Variants in ZPBP observed in about 807,000 individuals in gnomAD.
The protein encoded by ZPBP is zona pellucida-binding protein 1.
ZPBP carries 26 observed loss-of-function variants against 44.8 expected under a neutral mutation model. The observed-to-expected ratio is 0.58, with a 90% CI of 0.43 to 0.81. The LOEUF is 0.81. ZPBP is among the 30% of genes least tolerant of loss of function. ZPBP has a pLI of 0.00. For synonymous variants in ZPBP, 174 were observed against 153.2 expected (o/e 1.14, Z -1.00); for missense variants, 409 against 434.0 (o/e 0.94, Z 0.51).
chr7:49,913,829 C>G (rs1170340447), intron 1 of ZPBP: 1 of 152,042 alleles, frequency 6.6e-6, no homozygotes, highest in Non-Finnish European at 1.5e-5. Context: ...ATGGATACAT[C>G]TATCATAATT....
At chr7:49,989,042 A>T (rs573506511) in intron 6 of ZPBP, among the ~76,000 whole-genome samples, 2 of 152,260 alleles carry the variant, frequency 1.3e-5, no homozygotes, top group East Asian at 3.9e-4. Flanking sequence ...GAATTTGGAA[A>T]CTAGTTCTGA....
chr7:49,890,127 A>G (rs1027273380), intron 2 of ZPBP, among the ~76,000 whole-genome samples: 22 of 152,224 alleles, frequency 1.4e-4, no homozygotes, highest in African/African-American at 5.3e-4. Context: ...CTTTAGGAAC[A>G]GAGGGAATAT....
intron 6 of ZPBP, among the ~76,000 whole-genome samples, chr7:49,995,512 C>T (rs1797784658): frequency 6.6e-6 from 1 of 152,224 alleles, no homozygotes; most frequent in Non-Finnish European, 1.5e-5. Flanking sequence ...CACAGTCATT[C>T]TCCAAGATTT....
intron 3 of ZPBP, among the ~76,000 whole-genome samples, chr7:50,065,777 T>G (rs1287669398): frequency 6.6e-6 from 1 of 151,036 alleles, no homozygotes; most frequent in Non-Finnish European, 1.5e-5. Context: ...AAAATGCTTT[T>G]AGAATGACTT....
chr7:49,929,186 A>G (rs1167033306), intron 1 of ZPBP, among the ~76,000 whole-genome samples: 1 of 152,236 alleles, frequency 6.6e-6, no homozygotes, highest in Non-Finnish European at 1.5e-5. Context: ...CTAGACATTG[A>G]GCCTCTTTCT....
At chr7:50,088,614 A>G (rs56102729) in intron 2 of ZPBP, among the ~76,000 whole-genome samples, 1 of 152,050 alleles carries the variant, frequency 6.6e-6, no homozygotes, top group Non-Finnish European at 1.5e-5. Context: ...TTGAATAGGC[A>G]TTTCTACAAA....
At chr7:50,048,125 A>G (rs1419680353) in intron 4 of ZPBP, among the ~76,000 whole-genome samples, 2 of 152,196 alleles carry the variant, frequency 1.3e-5, no homozygotes, top group Non-Finnish European at 2.9e-5. Flanking sequence ...GGAACACTGA[A>G]AAAACAAAAA....
intron 7 of ZPBP, among the ~76,000 whole-genome samples, chr7:49,957,819 G>T (rs572914415): frequency 6.6e-6 from 1 of 152,242 alleles, no homozygotes; most frequent in East Asian, 1.9e-4. Context: ...CGAGAGCAAG[G>T]CCATGGGAGA....
At chr7:50,028,471 C>T (rs1456343571) in intron 5 of ZPBP, among the ~76,000 whole-genome samples, 4 of 151,792 alleles carry the variant, frequency 2.6e-5, no homozygotes, top group African/African-American at 9.7e-5. Flanking sequence ...GTGCTGGAAG[C>T]CCAAGCAAGA....
intron 2 of ZPBP, among the ~76,000 whole-genome samples, chr7:49,899,108 CAT>C (rs1393497891): frequency 2.0e-5 from 3 of 152,000 alleles, no homozygotes; most frequent in African/African-American, 7.2e-5. Context: ...AAATCAGACA[CAT>C]AGACTATCCC....
At chr7:50,027,890 T>C (rs1490881058) in intron 5 of ZPBP, among the ~76,000 whole-genome samples, 3 of 152,126 alleles carry the variant, frequency 2.0e-5, no homozygotes, top group African/African-American at 4.8e-5. Flanking sequence ...AATAGGTCTA[T>C]AACTAAGTAA....
At chr7:49,968,851 T>G (rs1427334910) in intron 7 of ZPBP, among the ~76,000 whole-genome samples, 1 of 151,994 alleles carries the variant, frequency 6.6e-6, no homozygotes, top group African/African-American at 2.4e-5. Flanking sequence ...CTCTAGTTAA[T>G]AGCATACTAC....
intron 2 of ZPBP, among the ~76,000 whole-genome samples, chr7:49,884,311 T>C (rs145305552): frequency 1.3e-5 from 2 of 152,336 alleles, no homozygotes; most frequent in African/African-American, 4.8e-5. Context: ...GGCCATAGCA[T>C]GGAGAGCCAA....
intron 2 of ZPBP, among the ~76,000 whole-genome samples, chr7:49,863,418 C>G (rs954191944): frequency 6.6e-6 from 1 of 151,982 alleles, no homozygotes; most frequent in African/African-American, 2.4e-5. Context: ...TTTGTTGATT[C>G]TCTCTCCCTT....
At chr7:49,936,549 G>T (rs555721318), downstream of ZPBP, among the ~76,000 whole-genome samples, 5 of 152,174 alleles carry the variant, frequency 3.3e-5, no homozygotes, top group Non-Finnish European at 7.3e-5. Flanking sequence ...ATTTACAAAC[G>T]TTTATGTCTT....
At chr7:49,919,564 A>T (rs1793912946) in intron 1 of ZPBP, 1 of 152,184 alleles carries the variant, frequency 6.6e-6, no homozygotes, top group Non-Finnish European at 1.5e-5. Context: ...TTAAATAAAA[A>T]ATCCTCACAA....
intron 4 of ZPBP, among the ~76,000 whole-genome samples, chr7:50,052,365 G>A (rs1031545595): frequency 1.3e-5 from 2 of 152,094 alleles, no homozygotes; most frequent in African/African-American, 4.8e-5. Flanking sequence ...TACATCATTA[G>A]AAATTATAGA....
intron 2 of ZPBP, among the ~76,000 whole-genome samples, chr7:50,083,226 AAAT>A (rs1802461607): frequency 6.6e-6 from 1 of 151,932 alleles, no homozygotes; most frequent in Non-Finnish European, 1.5e-5. Flanking sequence ...ATACAAAAAC[AAAT>A]AATATTCCTC....
intron 2 of ZPBP, among the ~76,000 whole-genome samples, chr7:49,890,103 C>T (rs1792067556): frequency 6.6e-6 from 1 of 152,160 alleles, no homozygotes; most frequent in Admixed American, 6.5e-5. Flanking sequence ...TCACATTTAA[C>T]ACCCATACAT....
Sources: allele counts gnomAD v4.1 joint callset (sites outside exome capture counted in the v4.1 genomes callset), GRCh38; gene constraint gnomAD v4.1.1; transcripts MANE v1.5; gene names NCBI Gene and HGNC (gene_info 2026-07-23, HGNC 2026-07-21).